Variants in STARD13 observed in about 807,000 individuals in gnomAD.
STARD13 encodes StAR related lipid transfer domain containing 13, also known as stAR-related lipid transfer protein 13.
Under a neutral mutation model 106.4 loss-of-function variants are expected in STARD13, and 62 were observed. That is an observed-to-expected ratio of 0.58 (90% CI 0.48 to 0.72). The LOEUF is 0.72. STARD13 is among the 30% of genes least tolerant of loss of function. STARD13 has a pLI of 0.00. For missense variants in STARD13, 1,387 were observed against 1,424.0 expected, an observed-to-expected ratio of 0.97 and a Z score of 0.42; for synonymous variants, 565 against 553.0, an observed-to-expected ratio of 1.02 and a Z score of -0.31.
At chr13:33,552,379 T>C in the STARD13 span, among the ~76,000 whole-genome samples, 1,216 of 152,272 alleles carry the variant, frequency 8.0e-3, 5 homozygotes, top group Middle Eastern at 0.014. Flanking sequence ...ATAGACCATA[T>C]TCTAGGCCAT....
At chr13:33,271,620 TCC>T (rs1891165377) in intron 1 of STARD13, 1 of 152,196 alleles carries the variant, frequency 6.6e-6, no homozygotes, top group South Asian at 2.1e-4. Flanking sequence ...CCCTTGGGAA[TCC>T]TGATGCCTTG....
the STARD13 span, among the ~76,000 whole-genome samples, chr13:33,424,076 T>C: frequency 1.5e-4 from 23 of 152,004 alleles, no homozygotes; most frequent in African/African-American, 3.9e-4. Flanking sequence ...ACATGTACCC[T>C]AGTACTTAAA....
the STARD13 span, among the ~76,000 whole-genome samples, chr13:33,639,017 T>A: frequency 6.6e-6 from 1 of 152,120 alleles, no homozygotes. Flanking sequence ...GAACCAGACA[T>A]TTTTCTAGGG....
At chr13:33,663,311 A>C in the STARD13 span, among the ~76,000 whole-genome samples, 341 of 152,344 alleles carry the variant, frequency 2.2e-3, no homozygotes, top group African/African-American at 7.5e-3. Flanking sequence ...GATACTTAAA[A>C]GATCCAAAAA....
intron 3 of STARD13, among the ~76,000 whole-genome samples, chr13:33,163,643 T>TATATATATATAAAACATATATATAAC: frequency 2.6e-5 from 1 of 39,150 alleles, no homozygotes; most frequent in African/African-American, 5.5e-5. Flanking sequence ...ATATATAACA[T>TATATATATATAAAACATATATATAAC]ATATATATAT....
chr13:33,350,343 G>T (rs1427710503), exon 1 of STARD13: 1 of 1,534,366 alleles, frequency 6.5e-7, no homozygotes, highest in Admixed American at 2.0e-5. Context: ...GGCTCTGGCC[G>T]TGGAGTCCCG....
chr13:33,432,735 G>A, the STARD13 span, among the ~76,000 whole-genome samples: 1 of 152,130 alleles, frequency 6.6e-6, no homozygotes, highest in East Asian at 1.9e-4. Context: ...CAAAAATTAT[G>A]GCTGCTTTTT....
the STARD13 span, among the ~76,000 whole-genome samples, chr13:33,590,328 A>C: frequency 6.6e-6 from 1 of 152,190 alleles, no homozygotes. Flanking sequence ...ATATCATTTG[A>C]CCCAGCCATC....
intron 1 of STARD13, among the ~76,000 whole-genome samples, chr13:33,177,841 GA>G (rs1394561928): frequency 3.9e-4 from 8 of 20,426 alleles, no homozygotes; most frequent in African/African-American, 1.6e-3. Context: ...AGGAAGGAAG[GA>G]AAGGAAGGAA....
the STARD13 span, among the ~76,000 whole-genome samples, chr13:33,386,007 C>A: frequency 6.6e-6 from 1 of 151,988 alleles, no homozygotes; most frequent in South Asian, 2.1e-4. Flanking sequence ...ATTTGCTCAT[C>A]AATTCATTAT....
At chr13:33,631,549 T>C in the STARD13 span, among the ~76,000 whole-genome samples, 1 of 152,224 alleles carries the variant, frequency 6.6e-6, no homozygotes, top group South Asian at 2.1e-4. Context: ...CTATACCTCA[T>C]GGTACAAGAC....
At chr13:33,278,776 ATTCAAGGCCTTACAT>A (rs1594208620) in intron 1 of STARD13, 1 of 152,094 alleles carries the variant, frequency 6.6e-6, no homozygotes, top group Admixed American at 6.6e-5. Flanking sequence ...TTTGATTATT[ATTCAAGGCCTTACAT>A]TTTATATTTC....
chr13:33,316,134 G>C (rs943883266), intron 1 of STARD13, among the ~76,000 whole-genome samples: 17 of 152,030 alleles, frequency 1.1e-4, no homozygotes, highest in African/African-American at 3.9e-4. Context: ...GGTTTATAAG[G>C]GTCTTCAGAC....
In STARD13 at chr13:33,109,914, G is replaced by A. The variant is rs1374814288; in HGVS notation, c.3006C>T (p.Asn1002=). The change falls in exon 12 of 14, where the codon AAC becomes AAT. Residue 1002 remains asparagine (N), a synonymous_variant. Transcript: ENST00000336934. The part of the protein sequence containing the change: ...RQTEIYQYVL[N]SMAPHPSRDF... ...CTCTGGAAGGATGGGGAGCCATGCTGTTCAGCACATACTGGTAGATCTCTG... is the reference window on the plus strand; with the variant it reads ...CTCTGGAAGGATGGGGAGCCATGCTATTCAGCACATACTGGTAGATCTCTG... The A allele has an allele frequency of 1.2e-6, 2 of 1,614,138 alleles. No homozygotes were observed. Among genetic ancestry groups the A allele is most frequent in the Admixed American group, 3.3e-5 (2 of 60,010 alleles).
At chr13:33,650,128 C>T in the STARD13 span, among the ~76,000 whole-genome samples, 1 of 129,186 alleles carries the variant, frequency 7.7e-6, no homozygotes, top group African/African-American at 2.9e-5. Context: ...GCGGTGGAGC[C>T]TATTTGGTCC....
chr13:33,446,425 GA>G, the STARD13 span, among the ~76,000 whole-genome samples: 4 of 143,840 alleles, frequency 2.8e-5, no homozygotes, highest in Admixed American at 6.9e-5. Context: ...AAGCTAAAAA[GA>G]AAAAAAAAAC....
At chr13:33,322,266 G>A (rs1033950582) in intron 1 of STARD13, among the ~76,000 whole-genome samples, 1 of 152,102 alleles carries the variant, frequency 6.6e-6, no homozygotes, top group African/African-American at 2.4e-5. Context: ...TCCTCAGAAC[G>A]TACACGATGT....
chr13:33,180,713 G>A (rs1439154432), intron 1 of STARD13, among the ~76,000 whole-genome samples: 2 of 152,144 alleles, frequency 1.3e-5, no homozygotes, highest in Non-Finnish European at 2.9e-5. Context: ...TTGTGAGGAG[G>A]TGACGGGGAA....
the STARD13 span, among the ~76,000 whole-genome samples, chr13:33,528,200 A>C: frequency 7.2e-6 from 1 of 138,574 alleles, no homozygotes; most frequent in African/African-American, 2.9e-5. Flanking sequence ...CACACACACA[A>C]TATACAGATA....
Sources: allele counts gnomAD v4.1 joint callset (sites outside exome capture counted in the v4.1 genomes callset), GRCh38; gene constraint gnomAD v4.1.1; transcripts MANE v1.5; gene names NCBI Gene and HGNC (gene_info 2026-07-23, HGNC 2026-07-21).